PICALM: variants seen among roughly 807,000 people sequenced by gnomAD.
The protein encoded by PICALM is phosphatidylinositol binding clathrin assembly protein.
A neutral mutation model predicts 80.5 loss-of-function variants in PICALM; 40 were observed. The ratio of observed to expected loss-of-function variants is 0.50; its 90% CI spans 0.39 to 0.65. The LOEUF (loss-of-function observed/expected upper bound fraction) is 0.65. PICALM is among the 30% of genes least tolerant of loss of function. The pLI is 0.00. For missense variants in PICALM, 676 were observed against 778.9 expected, an observed-to-expected ratio of 0.87 and a Z score of 1.57; for synonymous variants, 288 against 260.3, an observed-to-expected ratio of 1.11 and a Z score of -1.02.
intron 1 of PICALM, among the ~76,000 whole-genome samples, chr11:86,055,123 T>C (rs1284379489): frequency 6.6e-6 from 1 of 151,792 alleles, no homozygotes; most frequent in Non-Finnish European, 1.5e-5. Context: ...CTGAGGTCAG[T>C]AGTTTGAGAC....
chr11:86,054,538 C>T (rs2096241450), intron 1 of PICALM, among the ~76,000 whole-genome samples: 1 of 152,110 alleles, frequency 6.6e-6, no homozygotes, highest in South Asian at 2.1e-4. Context: ...CCATAAAGCG[C>T]TTTTTTGCCC....
At chr11:85,975,655 G>A (rs1412191290) in intron 18 of PICALM, among the ~76,000 whole-genome samples, 1 of 128,608 alleles carries the variant, frequency 7.8e-6, no homozygotes, top group Admixed American at 9.8e-5. Context: ...GGAGTGCAGT[G>A]GCATGATCTC....
At chr11:86,034,571 TTTC>T (rs2095810012) in intron 1 of PICALM, among the ~76,000 whole-genome samples, 1 of 152,156 alleles carries the variant, frequency 6.6e-6, no homozygotes, top group African/African-American at 2.4e-5. Flanking sequence ...GATCTTATAT[TTTC>T]TTTTCATTAT....
At chr11:86,020,527 A>G (rs185683744) in intron 4 of PICALM, among the ~76,000 whole-genome samples, 1 of 152,258 alleles carries the variant, frequency 6.6e-6, no homozygotes, top group East Asian at 1.9e-4. Flanking sequence ...TACTGGCATG[A>G]AGATATACAT....
intron 4 of PICALM, among the ~76,000 whole-genome samples, chr11:86,016,883 A>T (rs1273388844): frequency 6.6e-6 from 1 of 152,178 alleles, no homozygotes; most frequent in Non-Finnish European, 1.5e-5. Flanking sequence ...AACAAAAAGC[A>T]ATTGTCTGGT....
intron 7 of PICALM, among the ~76,000 whole-genome samples, chr11:86,009,139 T>A (rs775308542): frequency 4.0e-5 from 6 of 148,952 alleles, no homozygotes; most frequent in Non-Finnish European, 8.9e-5. Flanking sequence ...ACCTCATCTC[T>A]AAAATTAGCT....
intron 16 of PICALM, 38 bp from the exon 17 acceptor site, chr11:85,981,266 A>G: frequency 8.7e-7 from 1 of 1,148,260 alleles, no homozygotes; most frequent in Non-Finnish European, 1.3e-6. Flanking sequence ...AAATGTCTCT[A>G]ATTATAAAGT....
intron 5 of PICALM, among the ~76,000 whole-genome samples, chr11:86,014,116 A>C (rs550908139): frequency 6.6e-6 from 1 of 152,338 alleles, no homozygotes; most frequent in East Asian, 1.9e-4. Context: ...CCACATTAAT[A>C]GGCAATGGGG....
At chr11:86,035,346 C>T (rs2095822427) in intron 1 of PICALM, among the ~76,000 whole-genome samples, 1 of 152,106 alleles carries the variant, frequency 6.6e-6, no homozygotes, top group Non-Finnish European at 1.5e-5. Context: ...GTCAGGCAAC[C>T]CAGCCAGTGG....
intron 18 of PICALM, 21 bp from the exon 19 acceptor site, chr11:85,974,833 A>T: frequency 6.8e-7 from 1 of 1,460,796 alleles, no homozygotes; most frequent in South Asian, 1.1e-5. Context: ...GAAAAATATC[A>T]AAAGATACTG....
At position 85,983,935 on chromosome 11, in the gene PICALM, C is replaced by G. The variant is rs374608856; in HGVS notation, c.1447G>C (p.Ala483Pro). 1.9e-6 allele frequency: 3 copies of G among 1,604,610 alleles called. No homozygotes were observed. Among genetic ancestry groups the G allele is most frequent in the Non-Finnish European group, 2.6e-6 (3 of 1,172,676 alleles). Residue 483 changes from alanine (A) to proline (P), a missense_variant, in exon 14 of 20, where the codon GCT becomes CCT. Ala to Pro is a conservative substitution (Grantham distance 27). Coordinates refer to ENST00000393346, the MANE Select transcript of PICALM (RefSeq NM_007166.4). ...PSPVAQPHPS[A>P]GLNVDFESVF... ...GATTCAAAGTCAACATTAAGGCCAG[C>G]TGAAGGGTGTGGCTGTGCAACTGGA...
intron 13 of PICALM, among the ~76,000 whole-genome samples, chr11:85,988,495 A>G (rs569036227): frequency 4.5e-4 from 68 of 152,322 alleles, no homozygotes; most frequent in Middle Eastern, 3.4e-3. Flanking sequence ...AGCTGGCTAC[A>G]GTAGAAGAAA....
intron 1 of PICALM, among the ~76,000 whole-genome samples, chr11:86,066,552 T>A (rs530528103): frequency 2.0e-5 from 3 of 152,130 alleles, no homozygotes; most frequent in Non-Finnish European, 2.9e-5. Context: ...TGAAACAACA[T>A]GCAAATAGCA....
At chr11:86,058,061 T>C (rs538885631) in intron 1 of PICALM, among the ~76,000 whole-genome samples, 4 of 152,362 alleles carry the variant, frequency 2.6e-5, no homozygotes, top group Non-Finnish European at 5.9e-5. Context: ...GTTTGAAGTA[T>C]ATTAAAAAGA....
At chr11:86,000,963 T>A in intron 10 of PICALM, 72 bp downstream of exon 10, 4 of 1,569,340 alleles carry the variant, frequency 2.5e-6, no homozygotes, top group Non-Finnish European at 3.5e-6. Context: ...ACTCTAAGTC[T>A]GTGCAGAGGC....
intron 5 of PICALM, among the ~76,000 whole-genome samples, chr11:86,014,018 G>A (rs1476455656): frequency 3.3e-5 from 5 of 152,128 alleles, no homozygotes; most frequent in Admixed American, 6.5e-5. Context: ...TACAAAAACA[G>A]GCAGTAAGCT....
chr11:85,985,074 T>C (rs35596678), intron 13 of PICALM, among the ~76,000 whole-genome samples: 2,374 of 152,210 alleles, frequency 0.016, 31 homozygotes, highest in South Asian at 0.036. Context: ...AAACCACCTA[T>C]ATTAGAAGGT....
chr11:85,983,602 G>A (rs2094501551), intron 14 of PICALM, among the ~76,000 whole-genome samples: 1 of 152,106 alleles, frequency 6.6e-6, no homozygotes, highest in Non-Finnish European at 1.5e-5. Context: ...AAGCAACTTA[G>A]CATTCTACAG....
chr11:86,063,780 T>C (rs1236410779), intron 1 of PICALM, among the ~76,000 whole-genome samples: 1 of 151,676 alleles, frequency 6.6e-6, no homozygotes, highest in African/African-American at 2.4e-5. Context: ...TAATGAAAAA[T>C]GAAAATATAA....
Sources: allele counts gnomAD v4.1 joint callset (sites outside exome capture counted in the v4.1 genomes callset), GRCh38; gene constraint gnomAD v4.1.1; transcripts MANE v1.5; gene names NCBI Gene and HGNC (gene_info 2026-07-23, HGNC 2026-07-21).